The following KCNIP4 variants were observed in gnomAD, a reference collection of about 807,000 sequenced individuals.
KCNIP4 encodes potassium voltage-gated channel interacting protein 4.
KCNIP4 carries 12 observed loss-of-function variants against 34.0 expected under a neutral mutation model. The observed-to-expected ratio is 0.35, with a 90% CI of 0.23 to 0.57. The LOEUF (loss-of-function observed/expected upper bound fraction) is 0.57, where lower values mean the gene tolerates loss of function less well. Among genes scored for constraint, KCNIP4 ranks in the 20% least tolerant of loss-of-function variants. The pLI is 0.83. For synonymous variants in KCNIP4, 124 were observed against 102.2 expected, an observed-to-expected ratio of 1.21 and a Z score of -1.29; for missense variants, 238 against 311.7, an observed-to-expected ratio of 0.76 and a Z score of 1.78.
chr4:20,869,410 G>A (rs906122496), intron 2 of KCNIP4, among the ~76,000 whole-genome samples: 6 of 151,856 alleles, frequency 4.0e-5, no homozygotes, highest in Admixed American at 2.6e-4. Context: ...AAATGAGATG[G>A]TATATGTGTC....
chr4:20,874,683 C>CTT (rs200107431), intron 2 of KCNIP4, among the ~76,000 whole-genome samples: 19 of 138,440 alleles, frequency 1.4e-4, no homozygotes, highest in Middle Eastern at 3.9e-3. Flanking sequence ...CACTTCATCT[C>CTT]TTTTTTTTTT....
At chr4:21,180,291 A>G (rs116105692) in intron 1 of KCNIP4, among the ~76,000 whole-genome samples, 4,918 of 152,300 alleles carry the variant, frequency 0.032, 132 homozygotes, top group African/African-American at 0.049. Context: ...CTAGTACTAG[A>G]GTTTATGACT....
In KCNIP4 at chr4:21,531,818, C is replaced by T. The variant is rs562431599; in HGVS notation, c.61+416753G>A. The stretch of plus-strand genomic sequence containing the variant: ...TGGAGGTAAGATTATTTTTTTTAAC[C>T]TAGTATTTTAAATATATTATTTTAT... On this transcript the variant is annotated intron_variant, in intron 1 of 8. Coordinates refer to ENST00000382152, the MANE Select transcript of KCNIP4 (RefSeq NM_025221.6). Among the ~76,000 whole-genome samples, 139 of 151,438 alleles carry T rather than the reference C, an allele frequency of 9.2e-4. 1 individual carries two copies. Among genetic ancestry groups the T allele is most frequent in the African/African-American group, 3.3e-3 (135 of 41,244 alleles).
At chr4:21,852,536 G>A (rs545866220) in intron 1 of KCNIP4, 1 of 152,272 alleles carries the variant, frequency 6.6e-6, no homozygotes, top group South Asian at 2.1e-4. Context: ...TTTGTTAATA[G>A]GGTAGATTTA....
chr4:20,808,442 T>C (rs1162662333), intron 3 of KCNIP4, among the ~76,000 whole-genome samples: 2 of 152,218 alleles, frequency 1.3e-5, no homozygotes, highest in African/African-American at 4.8e-5. Context: ...GGAAACTGTA[T>C]GTAGCTCTTT....
intron 1 of KCNIP4, among the ~76,000 whole-genome samples, chr4:21,664,867 A>G (rs1374945897): frequency 1.3e-5 from 2 of 152,002 alleles, no homozygotes; most frequent in Non-Finnish European, 2.9e-5. Context: ...AATGTTTTCC[A>G]TATATAATTA....
chr4:21,702,873 G>A (rs1375518681), intron 1 of KCNIP4, among the ~76,000 whole-genome samples: 1 of 151,968 alleles, frequency 6.6e-6, no homozygotes, highest in African/African-American at 2.4e-5. Context: ...TCAAAGAGAA[G>A]TTAGCAATAT....
intron 1 of KCNIP4, among the ~76,000 whole-genome samples, chr4:21,233,076 G>A (rs972156533): frequency 1.3e-5 from 2 of 152,130 alleles, no homozygotes; most frequent in African/African-American, 4.8e-5. Flanking sequence ...ACAGGAAGCA[G>A]GAAAACGGGT....
At chr4:21,244,389 A>G (rs1031428060) in intron 1 of KCNIP4, among the ~76,000 whole-genome samples, 1 of 152,366 alleles carries the variant, frequency 6.6e-6, no homozygotes, top group African/African-American at 2.4e-5. Context: ...TAAGTCATTC[A>G]GCAATCTGAA....
rs1736349335 is a variant in KCNIP4, at chr4:20,984,089, G to A, written c.62-101380C>T. The A allele has an allele frequency of 1.8e-5, 19 of 1,078,962 alleles. No individual in the cohort carries two copies. In the South Asian group the frequency reaches 3.0e-4, roughly 17 times the overall value. 66.8% of individuals were successfully genotyped at this position (1,078,962 alleles called of 1,614,324 possible). A position where few individuals can be genotyped will look rare whatever the true frequency, so the allele number is the denominator to read the frequency against. On this transcript the variant is annotated intron_variant, in intron 1 of 8. Transcript: ENST00000382152. ...CAAAGCCGGCGGCCCCCCGGGGTGAGGACAGACCTGGGCTAAAGTCCAGCT... is the reference window on the plus strand; with the variant it reads ...CAAAGCCGGCGGCCCCCCGGGGTGAAGACAGACCTGGGCTAAAGTCCAGCT...
At chr4:21,019,389 C>G (rs1577545399) in intron 1 of KCNIP4, among the ~76,000 whole-genome samples, 1 of 152,238 alleles carries the variant, frequency 6.6e-6, no homozygotes, top group South Asian at 2.1e-4. Context: ...AACTCCTAAC[C>G]TCAGGTAATC....
chr4:21,304,872 C>T (rs1054147929), intron 1 of KCNIP4, among the ~76,000 whole-genome samples: 17 of 152,084 alleles, frequency 1.1e-4, no homozygotes, highest in African/African-American at 3.6e-4. Flanking sequence ...CTACTTCATA[C>T]CATTCAATAC....
chr4:21,510,730 T>C (rs1191672314), intron 1 of KCNIP4, among the ~76,000 whole-genome samples: 1 of 151,980 alleles, frequency 6.6e-6, no homozygotes, highest in Non-Finnish European at 1.5e-5. Flanking sequence ...TAGATTTAAA[T>C]TGTTTGGCCA....
chr4:21,240,680 A>T (rs568019253), intron 1 of KCNIP4, among the ~76,000 whole-genome samples: 1 of 152,260 alleles, frequency 6.6e-6, no homozygotes, highest in African/African-American at 2.4e-5. Context: ...TCCATGTAAC[A>T]GTGTGGAAAC....
chr4:21,425,098 G>A (rs1725822804), intron 1 of KCNIP4, among the ~76,000 whole-genome samples: 1 of 152,044 alleles, frequency 6.6e-6, no homozygotes, highest in South Asian at 2.1e-4. Flanking sequence ...CGGGAGAGAG[G>A]AAAGAAATAG....
At chr4:21,683,511 AG>A (rs57676084) in intron 1 of KCNIP4, among the ~76,000 whole-genome samples, 119,899 of 119,964 alleles carry the variant, frequency 1, 59,917 homozygotes, top group Middle Eastern at 1. Context: ...TCTGTCACCC[AG>A]GGCTGGAGTG....
intron 1 of KCNIP4, among the ~76,000 whole-genome samples, chr4:21,700,507 T>A: frequency 6.6e-6 from 1 of 152,178 alleles, no homozygotes; most frequent in Middle Eastern, 3.2e-3. Flanking sequence ...AGATGTATGG[T>A]TTGCAAATAT....
intron 1 of KCNIP4, among the ~76,000 whole-genome samples, chr4:21,352,024 T>C (rs1223177920): frequency 6.6e-6 from 1 of 152,086 alleles, no homozygotes; most frequent in African/African-American, 2.4e-5. Context: ...CCTGAGGCCA[T>C]TTGGTTGAAT....
At chr4:21,153,859 T>G (rs909197692) in intron 1 of KCNIP4, among the ~76,000 whole-genome samples, 1 of 152,018 alleles carries the variant, frequency 6.6e-6, no homozygotes, top group Non-Finnish European at 1.5e-5. Flanking sequence ...ATCAGGTATA[T>G]CCACTCAGTA....
Sources: gnomAD v4.1 joint callset for allele counts (sites outside exome capture counted in the v4.1 genomes callset) on GRCh38, gnomAD v4.1.1 for gene constraint, MANE v1.5 for transcripts, NCBI Gene and HGNC (gene_info 2026-07-23, HGNC 2026-07-21) for gene names.